ABCA1: variants seen among roughly 807,000 people sequenced by gnomAD.
ABCA1 encodes the protein phospholipid-transporting ATPase ABCA1.
A neutral mutation model predicts 262.5 loss-of-function variants in ABCA1; 133 were observed. The ratio of observed to expected loss-of-function variants is 0.51; its 90% CI spans 0.44 to 0.59. The LOEUF is 0.59. Ranked by LOEUF, ABCA1 falls within the 20% of genes least tolerant of loss-of-function variation. The pLI, the probability that ABCA1 is intolerant of heterozygous loss-of-function variation, is 0.00. For missense variants in ABCA1, 2,452 were observed against 2,777.5 expected, an observed-to-expected ratio of 0.88 and a Z score of 2.63; for synonymous variants, 1,022 against 1,043.5, an observed-to-expected ratio of 0.98 and a Z score of 0.40.
At chr9:104,888,150 T>C (rs1332956709) in intron 3 of ABCA1, among the ~76,000 whole-genome samples, 1 of 152,034 alleles carries the variant, frequency 6.6e-6, no homozygotes, top group Non-Finnish European at 1.5e-5. Flanking sequence ...TGTTGCTATA[T>C]ATTGTGAGAA....
rs111292742 is a variant in ABCA1 at position 104,928,121 on chromosome 9, G to C, written c.-279C>G. The C allele has an allele frequency of 0.022, 3,396 of 152,348 alleles. 65 individuals carry two copies. Among genetic ancestry groups the C allele is most frequent in the Non-Finnish European group, 0.035 (2,359 of 68,106 alleles). 9.4% of individuals were successfully genotyped at this position (152,348 alleles called of 1,614,324 possible). ...GAGAGAAGGGTCGGCTCGGCTCTGC[G>C]GGTCCCGGCCCCACTCACTCTCGCT... On this transcript the variant is annotated 5_prime_UTR_variant, in exon 1 of 50. Transcript: ENST00000374736.
At chr9:104,792,039 C>T in intron 42 of ABCA1, 41 bp from the exon 43 acceptor site, 1 of 1,580,628 alleles carries the variant, frequency 6.3e-7, no homozygotes, top group East Asian at 2.3e-5. Context: ...GCCTCAGTGA[C>T]TCACAGCTCT....
intron 7 of ABCA1, among the ~76,000 whole-genome samples, chr9:104,854,765 A>G (rs1190799162): frequency 6.6e-6 from 1 of 152,152 alleles, no homozygotes; most frequent in Non-Finnish European, 1.5e-5. Flanking sequence ...GTACAAATAC[A>G]ATGAGCGCAC....
intron 4 of ABCA1, among the ~76,000 whole-genome samples, 180 bp from the exon 5 acceptor site, chr9:104,883,337 C>G (rs1341346771): frequency 6.6e-6 from 1 of 152,118 alleles, no homozygotes; most frequent in South Asian, 2.1e-4. Flanking sequence ...GTTCCCTCCC[C>G]CACCCATCAT....
At chr9:104,852,666 TAG>T (rs1835474982) in intron 7 of ABCA1, among the ~76,000 whole-genome samples, 1 of 151,896 alleles carries the variant, frequency 6.6e-6, no homozygotes, top group Non-Finnish European at 1.5e-5. Flanking sequence ...GAGGTGAACA[TAG>T]AGTCTGAAGA....
chr9:104,792,645 A>T, intron 42 of ABCA1, 141 bp downstream of exon 42: 1 of 1,058,538 alleles, frequency 9.4e-7, no homozygotes, highest in Non-Finnish European at 1.4e-6. Flanking sequence ...TGTTTTTAAA[A>T]TAAAATTGAC....
At chr9:104,841,032 T>A (rs1193352481) in intron 8 of ABCA1, among the ~76,000 whole-genome samples, 8 of 152,080 alleles carry the variant, frequency 5.3e-5, no homozygotes, top group African/African-American at 2.4e-5. Context: ...CGAACTCTAG[T>A]GTAGAAATTG....
chr9:104,828,899 G>A lies in ABCA1; in HGVS notation c.2115+17C>T, dbSNP rs371944946. ...TCGGAGTTTCCTGGCAGGGAAGAGC[G>A]AGTGAGGCTGCCTTACCTTCAGGAT... On this transcript the variant is annotated intron_variant, in intron 15 of 49. Transcript: ENST00000374736. 620 of 1,612,982 alleles carry A rather than the reference G, an allele frequency of 3.8e-4. No individual in the cohort carries two copies. The highest frequency in any genetic ancestry group is 1.8e-3 in the Admixed American group (105 of 59,958).
Position 104,817,520 on chromosome 9 carries a change from GCTTT to G in ABCA1, c.3463-120_3463-117del. 1 of 1,137,460 alleles carries G rather than the reference GCTTT, an allele frequency of 8.8e-7. No homozygotes were observed. Among genetic ancestry groups the G allele is most frequent in the Non-Finnish European group, 1.3e-6 (1 of 772,630 alleles). The allele number at this position is 1,137,460 out of a possible 1,614,324, so 70.5% of individuals were successfully genotyped here. A position where few individuals can be genotyped will look rare whatever the true frequency, so the allele number is the denominator to read the frequency against. On this transcript the variant is annotated intron_variant, in intron 23 of 49. Coordinates refer to ENST00000374736, the MANE Select transcript of ABCA1 (RefSeq NM_005502.4). The surrounding 1 kb of genome is among the most constrained non-coding windows in gnomAD (Gnocchi z 4.7). ...TGTTGTGTGAGAACTAAAGGAAAAAGCTTTCCCTGGGACACATGCACTGGCAGCC... is the reference window on the plus strand; with the variant it reads ...TGTTGTGTGAGAACTAAAGGAAAAAGCCCTGGGACACATGCACTGGCAGCC...
At chr9:104,914,221 T>C (rs1258421643) in intron 1 of ABCA1, among the ~76,000 whole-genome samples, 2 of 151,652 alleles carry the variant, frequency 1.3e-5, no homozygotes, top group African/African-American at 2.4e-5. Context: ...CTCATGCCTG[T>C]AATCCCTGCA....
At position 104,814,134 on chromosome 9, in the gene ABCA1, A is replaced by G; in HGVS notation, c.3885T>C (p.Asp1295=). The G allele has an allele frequency of 6.2e-7, 1 of 1,614,200 alleles. No homozygotes were observed. The highest frequency in any genetic ancestry group is 8.5e-7 in the Non-Finnish European group (1 of 1,180,042). Residue 1295 remains aspartate, a synonymous_variant, in exon 27 of 50, where the codon GAT becomes GAC. Transcript: ENST00000374736. The part of the protein sequence containing the change: ...FTEDDAADPN[D]SDIDPESRET... ...CTAACAGACCTGGGTCTATGTCAGA[A>G]TCATTTGGATCAGCAGCATCATCTT...
intron 2 of ABCA1, among the ~76,000 whole-genome samples, chr9:104,900,451 A>C (rs1820622058): frequency 1.3e-5 from 2 of 152,150 alleles, no homozygotes; most frequent in African/African-American, 4.8e-5. Context: ...GCTATCATGG[A>C]CTGCTAACTT....
chr9:104,856,887 A>G (rs563950041), intron 7 of ABCA1, among the ~76,000 whole-genome samples: 1 of 152,198 alleles, frequency 6.6e-6, no homozygotes, highest in Non-Finnish European at 1.5e-5. Flanking sequence ...TTCACCCTCT[A>G]TGATTCACAG....
intron 5 of ABCA1, among the ~76,000 whole-genome samples, chr9:104,863,492 T>A (rs1397101457): frequency 6.6e-6 from 1 of 152,154 alleles, no homozygotes; most frequent in Non-Finnish European, 1.5e-5. Flanking sequence ...GGCTACAGTG[T>A]GAGGCTTAAT....
chr9:104,915,204 A>G (rs1841771343), intron 1 of ABCA1, among the ~76,000 whole-genome samples: 2 of 152,224 alleles, frequency 1.3e-5, no homozygotes, highest in Admixed American at 1.3e-4. Flanking sequence ...CAGTATCGGC[A>G]GCCTTCTCCA....
rs551944584 is a variant in ABCA1 at position 104,856,354 on chromosome 9, A to G, written c.720+2168T>C. ...CTCTTGGTAACAGCAGAGGGGCAGA[A>G]GCAGAACCTGAGTGCTCCACAAACC... is the stretch of plus-strand genomic sequence containing the variant. On this transcript the variant is annotated intron_variant, in intron 7 of 49. Transcript: ENST00000374736. 2.0e-5 allele frequency among the ~76,000 whole-genome samples: 3 copies of G among 152,304 alleles called. No individual in the cohort carries two copies. In the East Asian group the frequency reaches 5.8e-4, roughly 29 times the overall value.
At chr9:104,857,234 C>T (rs1835918581) in intron 7 of ABCA1, among the ~76,000 whole-genome samples, 1 of 151,640 alleles carries the variant, frequency 6.6e-6, no homozygotes, top group Non-Finnish European at 1.5e-5. Context: ...GCCTGAGAGG[C>T]GGAGGTTGCA....
At chr9:104,926,158 A>G (rs1267213418) in intron 1 of ABCA1, among the ~76,000 whole-genome samples, 1 of 152,156 alleles carries the variant, frequency 6.6e-6, no homozygotes, top group Non-Finnish European at 1.5e-5. Context: ...GGTTTTTTTA[A>G]ATATGAAATT....
At chr9:104,824,808 A>G (rs777894857) in intron 17 of ABCA1, among the ~76,000 whole-genome samples, 4 of 152,220 alleles carry the variant, frequency 2.6e-5, no homozygotes, top group Non-Finnish European at 4.4e-5. Context: ...TCCCCATTTT[A>G]GAGATGAGGA....
Sources: allele counts gnomAD v4.1 joint callset (sites outside exome capture counted in the v4.1 genomes callset), GRCh38; gene constraint gnomAD v4.1.1; non-coding constraint Gnocchi (gnomAD v3.1); transcripts MANE v1.5; gene names NCBI Gene and HGNC (gene_info 2026-07-23, HGNC 2026-07-21).